DLGAP2: variants seen among roughly 807,000 people sequenced by gnomAD.
DLGAP2 encodes disks large-associated protein 2.
In DLGAP2, 26 loss-of-function variants were observed where a neutral mutation model predicts 100.3. That is an observed-to-expected ratio of 0.26 (90% CI 0.19 to 0.36). DLGAP2 has a LOEUF of 0.36. Among genes scored for constraint, DLGAP2 ranks in the 10% least tolerant of loss-of-function variants. DLGAP2 has a pLI of 1.00. For missense variants in DLGAP2, 1,858 were observed against 1,453.2 expected, an observed-to-expected ratio of 1.28 and a Z score of -4.53; for synonymous variants, 886 against 630.1, an observed-to-expected ratio of 1.41 and a Z score of -6.08.
intron 1 of DLGAP2, among the ~76,000 whole-genome samples, chr8:817,676 C>T (rs1796507349): frequency 1.3e-5 from 2 of 152,110 alleles, no homozygotes; most frequent in South Asian, 4.1e-4. Context: ...GTGGTGTTCT[C>T]CCCCTTCCCT....
At chr8:1,484,721 C>T (rs1212740358) in intron 3 of DLGAP2, among the ~76,000 whole-genome samples, 1 of 152,226 alleles carries the variant, frequency 6.6e-6, no homozygotes, top group East Asian at 1.9e-4. Flanking sequence ...ATGGGAGATC[C>T]ATGAAAAATT....
At chr8:871,556 A>C (rs1377446270) in intron 1 of DLGAP2, among the ~76,000 whole-genome samples, 1 of 152,212 alleles carries the variant, frequency 6.6e-6, no homozygotes, top group Non-Finnish European at 1.5e-5. Flanking sequence ...AAATCTTAAA[A>C]TTTGAAATCC....
chr8:900,724 A>G (rs1362470635), intron 1 of DLGAP2, among the ~76,000 whole-genome samples: 1 of 152,168 alleles, frequency 6.6e-6, no homozygotes, highest in African/African-American at 2.4e-5. Context: ...TGTAGAGAGA[A>G]ATTCCGGGGA....
intron 2 of DLGAP2, among the ~76,000 whole-genome samples, chr8:986,043 T>C (rs576615038): frequency 1.5e-3 from 228 of 151,824 alleles, no homozygotes; most frequent in Non-Finnish European, 2.6e-3. Context: ...TAGGGGGGAG[T>C]ATGGCTGGTT....
At chr8:1,036,340 A>C (rs1023253705) in intron 2 of DLGAP2, among the ~76,000 whole-genome samples, 18 of 152,216 alleles carry the variant, frequency 1.2e-4, no homozygotes, top group Non-Finnish European at 2.4e-4. Flanking sequence ...GCTGCAGTGG[A>C]TGCTGGCTTG....
chr8:1,051,130 C>T (rs1802674714), intron 2 of DLGAP2, among the ~76,000 whole-genome samples: 1 of 151,488 alleles, frequency 6.6e-6, no homozygotes, highest in Non-Finnish European at 1.5e-5. Flanking sequence ...TCCATGATGG[C>T]CCTGGATGGG....
chr8:1,504,599 G>A (rs1011880225), intron 4 of DLGAP2, among the ~76,000 whole-genome samples: 5 of 152,186 alleles, frequency 3.3e-5, no homozygotes, highest in Non-Finnish European at 7.3e-5. Context: ...CTGCTTCTGA[G>A]TTCTATGCTT....
At chr8:822,922 C>G (rs1002612729) in intron 1 of DLGAP2, among the ~76,000 whole-genome samples, 3 of 152,176 alleles carry the variant, frequency 2.0e-5, no homozygotes, top group African/African-American at 7.2e-5. Flanking sequence ...GTCAGTTTAC[C>G]TGCCCCAGTG....
chr8:1,511,175 A>G (rs566633093), intron 4 of DLGAP2, among the ~76,000 whole-genome samples: 4 of 151,642 alleles, frequency 2.6e-5, no homozygotes, highest in East Asian at 3.9e-4. Flanking sequence ...TAGGACAATC[A>G]ATAGATGACC....
intron 1 of DLGAP2, among the ~76,000 whole-genome samples, chr8:804,690 C>G (rs1796234634): frequency 6.6e-6 from 1 of 152,190 alleles, no homozygotes; most frequent in Admixed American, 6.5e-5. Flanking sequence ...TTTAAATAAT[C>G]TTTTCATTTT....
At chr8:904,141 C>G (rs149587782) in intron 1 of DLGAP2, among the ~76,000 whole-genome samples, 1 of 152,238 alleles carries the variant, frequency 6.6e-6, no homozygotes, top group Admixed American at 6.5e-5. Flanking sequence ...AGGCCACTGG[C>G]CACACGTAGC....
chr8:1,586,412 A>G (rs1796121089), intron 6 of DLGAP2, among the ~76,000 whole-genome samples: 1 of 151,800 alleles, frequency 6.6e-6, no homozygotes, highest in South Asian at 2.1e-4. Flanking sequence ...GGTCTCTCTC[A>G]CTCTGCAGAC....
At position 1,357,674 on chromosome 8, in the gene DLGAP2, A is replaced by T. The variant is rs143735242; in HGVS notation, c.106+98791A>T. On this transcript the variant is annotated intron_variant, in intron 3 of 14. Coordinates refer to ENST00000637795, the MANE Select transcript of DLGAP2 (RefSeq NM_001346810.2). ...AAATAAACCTTTTTGTCTCTGACGGATTTTAAGTCTCATAACATGAGACGT... is the reference window on the plus strand; with the variant it reads ...AAATAAACCTTTTTGTCTCTGACGGTTTTTAAGTCTCATAACATGAGACGT... 6.5e-4 allele frequency among the ~76,000 whole-genome samples: 99 copies of T among 152,300 alleles called. 1 individual carries two copies. Among genetic ancestry groups the T allele is most frequent in the East Asian group, 5.2e-3 (27 of 5,180 alleles).
intron 1 of DLGAP2, among the ~76,000 whole-genome samples, chr8:897,129 G>C (rs1798157280): frequency 6.6e-6 from 1 of 152,120 alleles, no homozygotes; most frequent in East Asian, 1.9e-4. Context: ...GCAGGTCTCT[G>C]TTCACTGTGA....
Position 1,178,549 on chromosome 8 carries a change from G to A in DLGAP2, c.74-80302G>A, listed in dbSNP as rs564276338. 5.3e-5 allele frequency among the ~76,000 whole-genome samples: 8 copies of A among 152,118 alleles called. 1 individual carries two copies. Among genetic ancestry groups the A allele is most frequent in the East Asian group, 1.9e-4 (1 of 5,192 alleles). ...CACTTGGTTTCAACTGGGATTTAAC[G>A]AAAGGCACCTTTTTAGGCAAAGTTA... On this transcript the variant is annotated intron_variant, in intron 2 of 14. Coordinates refer to ENST00000637795, the MANE Select transcript of DLGAP2 (RefSeq NM_001346810.2).
intron 1 of DLGAP2, among the ~76,000 whole-genome samples, chr8:773,288 G>C (rs1821416551): frequency 6.6e-6 from 1 of 151,668 alleles, no homozygotes; most frequent in African/African-American, 2.4e-5. Flanking sequence ...ATTGGATCAG[G>C]GCCCCATCCT....
intron 1 of DLGAP2, among the ~76,000 whole-genome samples, chr8:762,038 T>C (rs1462699793): frequency 6.6e-6 from 1 of 152,212 alleles, no homozygotes; most frequent in Non-Finnish European, 1.5e-5. Flanking sequence ...GATAGGTCGC[T>C]GTGGGTTTTG....
intron 1 of DLGAP2, among the ~76,000 whole-genome samples, chr8:838,381 T>G (rs1168391730): frequency 2.0e-5 from 3 of 151,908 alleles, no homozygotes; most frequent in Admixed American, 6.6e-5. Context: ...GGTCTTGGCA[T>G]CAGTATTTTA....
intron 2 of DLGAP2, among the ~76,000 whole-genome samples, chr8:1,226,416 A>G (rs141157426): frequency 0.015 from 2,217 of 152,316 alleles, 27 homozygotes; most frequent in Middle Eastern, 0.034. Context: ...TGGGAGCTGA[A>G]CAATGAGAAG....
Sources: gnomAD v4.1 joint callset for allele counts (sites outside exome capture counted in the v4.1 genomes callset) on GRCh38, gnomAD v4.1.1 for gene constraint, MANE v1.5 for transcripts, NCBI Gene and HGNC (gene_info 2026-07-23, HGNC 2026-07-21) for gene names.